The following RALYL variants were observed in gnomAD, a reference collection of about 807,000 sequenced individuals.
RALYL encodes RNA-binding Raly-like protein.
Under a neutral mutation model 35.1 loss-of-function variants are expected in RALYL, and 29 were observed. The observed-to-expected ratio is 0.83, with a 90% CI of 0.61 to 1.13. The LOEUF is 1.13. RALYL is among the 50% of genes most tolerant of loss of function. RALYL has a pLI of 0.00. For missense variants in RALYL, 359 were observed against 360.4 expected, an observed-to-expected ratio of 1.00 and a Z score of 0.03; for synonymous variants, 120 against 127.6, an observed-to-expected ratio of 0.94 and a Z score of 0.40.
At chr8:84,392,453 G>T (rs1383089330) in intron 1 of RALYL, among the ~76,000 whole-genome samples, 7 of 151,626 alleles carry the variant, frequency 4.6e-5, no homozygotes, top group Non-Finnish European at 7.4e-5. Flanking sequence ...AAAAAAAATT[G>T]AATCACAGCT....
intron 1 of RALYL, among the ~76,000 whole-genome samples, chr8:84,387,123 G>T (rs1218824041): frequency 6.6e-6 from 1 of 151,828 alleles, no homozygotes; most frequent in Non-Finnish European, 1.5e-5. Flanking sequence ...AGGATTAGAG[G>T]TAATGTATGT....
rs561804985 is a variant in RALYL, at chr8:84,219,827, T to C, written c.-24+35403T>C. Among the ~76,000 whole-genome samples, 7 of 152,084 alleles carry C rather than the reference T, an allele frequency of 4.6e-5. No individual in the cohort carries two copies. The South Asian group carries it at 1.5e-3, about 32-fold the overall frequency. On this transcript the variant is annotated intron_variant, in intron 1 of 8. Transcript: ENST00000521268. ...ATATTGGAAGCAGAAAATTACTGCT[T>C]TTCCCCTCTTAAAAGGTAATGATAA...
chr8:84,750,302 A>C (rs1809652394), intron 2 of RALYL, among the ~76,000 whole-genome samples: 1 of 152,232 alleles, frequency 6.6e-6, no homozygotes, highest in Non-Finnish European at 1.5e-5. Flanking sequence ...AACAAAATAC[A>C]GCGGTTTTTA....
intron 5 of RALYL, among the ~76,000 whole-genome samples, chr8:84,850,945 C>A (rs1835736624): frequency 6.6e-6 from 1 of 152,120 alleles, no homozygotes; most frequent in Admixed American, 6.5e-5. Flanking sequence ...GATAAGTTTG[C>A]CTTTACTAAG....
rs886991032 is a variant in RALYL, at chr8:84,620,948, C to T, written c.256+91371C>T. On this transcript the variant is annotated intron_variant, in intron 2 of 8. Coordinates refer to ENST00000521268, the MANE Select transcript of RALYL (RefSeq NM_173848.7). ...GACCCACTTGAGGAGGCAGTCTGCC[C>T]GTTCTCAGATCTCCAGCTGCGTGCT... 4.3e-4 allele frequency among the ~76,000 whole-genome samples: 66 copies of T among 152,140 alleles called. 1 individual carries two copies. Among genetic ancestry groups the T allele is most frequent in the African/African-American group, 1.2e-3 (50 of 41,524 alleles).
At chr8:84,379,773 G>A (rs1377796295) in intron 1 of RALYL, among the ~76,000 whole-genome samples, 5 of 151,316 alleles carry the variant, frequency 3.3e-5, no homozygotes, top group East Asian at 2.0e-4. Context: ...ATATAAATGC[G>A]GGCAGGAATT....
chr8:84,654,310 T>C (rs115327706), intron 2 of RALYL, among the ~76,000 whole-genome samples: 12,187 of 134,674 alleles, frequency 0.09, 1,766 homozygotes, highest in African/African-American at 0.27. Flanking sequence ...TATATATATA[T>C]ATATCATGTA....
chr8:84,337,329 GT>G (rs769935600), intron 1 of RALYL, among the ~76,000 whole-genome samples: 6,211 of 142,314 alleles, frequency 0.044, 171 homozygotes, highest in African/African-American at 0.055. Context: ...GGAATGAATT[GT>G]TTTTTTTTTT....
At chr8:84,241,907 A>G (rs374843839) in intron 1 of RALYL, among the ~76,000 whole-genome samples, 70 of 152,062 alleles carry the variant, frequency 4.6e-4, no homozygotes, top group African/African-American at 1.7e-3. Flanking sequence ...TTACATAGGT[A>G]AACATGGGCC....
intron 1 of RALYL, among the ~76,000 whole-genome samples, chr8:84,372,886 G>GTTTTTTTTTTTTTGTTTTGTTTTGTTT (rs1856071710): frequency 3.1e-4 from 12 of 39,068 alleles, no homozygotes; most frequent in Non-Finnish European, 5.0e-4. Flanking sequence ...GCCAGCATCT[G>GTTTTTTTTTTTTTGTTTTGTTTTGTTT]TTTTTTTTTT....
intron 2 of RALYL, among the ~76,000 whole-genome samples, chr8:84,764,975 C>A (rs971690545): frequency 6.6e-6 from 1 of 152,170 alleles, no homozygotes; most frequent in Non-Finnish European, 1.5e-5. Context: ...GTGTGCTGTA[C>A]TTGCTTTTGC....
intron 4 of RALYL, among the ~76,000 whole-genome samples, chr8:84,843,990 T>C (rs915218345): frequency 7.2e-5 from 11 of 152,152 alleles, no homozygotes; most frequent in African/African-American, 2.7e-4. Flanking sequence ...AAGACTTAAA[T>C]GTTAAACCTA....
At chr8:84,409,979 C>T (rs1013022253) in intron 1 of RALYL, among the ~76,000 whole-genome samples, 64 of 152,024 alleles carry the variant, frequency 4.2e-4, no homozygotes, top group African/African-American at 1.4e-3. Context: ...GGCCCAGCCA[C>T]AGAATCTTAA....
At chr8:84,420,746 C>A (rs317958) in intron 1 of RALYL, among the ~76,000 whole-genome samples, 1 of 91,378 alleles carries the variant, frequency 1.1e-5, no homozygotes, top group Non-Finnish European at 2.2e-5. Context: ...GAGGGATCCA[C>A]TTTCAGCTTC....
intron 1 of RALYL, among the ~76,000 whole-genome samples, chr8:84,328,981 C>A (rs1193536871): frequency 6.6e-6 from 1 of 152,130 alleles, no homozygotes; most frequent in East Asian, 1.9e-4. Context: ...TGTATGTGTA[C>A]CACATTTTAT....
At chr8:84,293,261 T>A (rs1157901316) in intron 1 of RALYL, among the ~76,000 whole-genome samples, 1 of 152,158 alleles carries the variant, frequency 6.6e-6, no homozygotes, top group African/African-American at 2.4e-5. Context: ...ACTCCAATTG[T>A]TAGTCCTATT....
At chr8:84,575,316 G>A (rs1016119154) in intron 2 of RALYL, among the ~76,000 whole-genome samples, 5 of 152,068 alleles carry the variant, frequency 3.3e-5, no homozygotes, top group Non-Finnish European at 7.4e-5. Flanking sequence ...ATATGAAATA[G>A]TGAAGATTAT....
At chr8:84,328,315 A>G (rs897034805) in intron 1 of RALYL, among the ~76,000 whole-genome samples, 2 of 152,164 alleles carry the variant, frequency 1.3e-5, no homozygotes, top group African/African-American at 4.8e-5. Context: ...TTAAACTTGA[A>G]GCCTTTTAAG....
At chr8:84,563,162 A>G (rs1176259876) in intron 2 of RALYL, among the ~76,000 whole-genome samples, 1 of 151,738 alleles carries the variant, frequency 6.6e-6, no homozygotes, top group Non-Finnish European at 1.5e-5. Flanking sequence ...GCAATTTCCT[A>G]AGTCCTTCAG....
Sources: allele counts gnomAD v4.1 joint callset (sites outside exome capture counted in the v4.1 genomes callset), GRCh38; gene constraint gnomAD v4.1.1; transcripts MANE v1.5; gene names NCBI Gene and HGNC (gene_info 2026-07-23, HGNC 2026-07-21).